The following HEPACAM2 variants were observed in gnomAD, a reference collection of about 807,000 sequenced individuals.
The protein encoded by HEPACAM2 is mitotic kinetics regulator.
Under a neutral mutation model 49.6 loss-of-function variants are expected in HEPACAM2, and 49 were observed. The observed-to-expected ratio is 0.99, with a 90% CI of 0.78 to 1.25. The LOEUF (loss-of-function observed/expected upper bound fraction) is 1.25. Ranked by LOEUF, HEPACAM2 falls within the 50% of genes most tolerant of loss-of-function variation. The probability of loss-of-function intolerance (pLI) is 0.00; values close to 1 mark genes in which losing one functional copy is unlikely to be tolerated. For synonymous variants in HEPACAM2, 197 were observed against 202.9 expected (o/e 0.97, Z 0.25); for missense variants, 525 against 557.2 (o/e 0.94, Z 0.58).
chr7:93,209,605 C>T (rs192444457), intron 3 of HEPACAM2, among the ~76,000 whole-genome samples: 2 of 152,006 alleles, frequency 1.3e-5, no homozygotes, highest in Admixed American at 1.3e-4. Context: ...CCCACCACCC[C>T]ACTCTTCCCC....
At chr7:93,204,413 T>C (rs544036978) in intron 4 of HEPACAM2, among the ~76,000 whole-genome samples, 2 of 152,212 alleles carry the variant, frequency 1.3e-5, no homozygotes, top group East Asian at 1.9e-4. Context: ...CATGTCACAA[T>C]AGCAATTTTG....
chr7:93,209,660 C>T (rs1794128568), intron 3 of HEPACAM2, among the ~76,000 whole-genome samples: 1 of 151,998 alleles, frequency 6.6e-6, no homozygotes, highest in Non-Finnish European at 1.5e-5. Context: ...ATTAGATCAA[C>T]TTTTTAGCTT....
intron 4 of HEPACAM2, among the ~76,000 whole-genome samples, chr7:93,203,699 C>T (rs1793953764): frequency 6.6e-6 from 1 of 152,062 alleles, no homozygotes; most frequent in Admixed American, 6.6e-5. Context: ...GTGTGGTATC[C>T]ATGGTATCGC....
intron 1 of HEPACAM2, among the ~76,000 whole-genome samples, chr7:93,224,106 A>T (rs748249716): frequency 1.3e-5 from 2 of 152,138 alleles, no homozygotes; most frequent in African/African-American, 4.8e-5. Context: ...CATCCTCTGC[A>T]TGAACAGATA....
In HEPACAM2 at chr7:93,215,465, G is replaced by A. The variant is rs776379052; in HGVS notation, c.651C>T (p.Tyr217=). 4 of 1,613,888 alleles carry A rather than the reference G, an allele frequency of 2.5e-6. No individual in the cohort carries two copies. Among genetic ancestry groups the A allele is most frequent in the Non-Finnish European group, 3.4e-6 (4 of 1,179,842 alleles). Residue 217 remains tyrosine, a synonymous_variant, in exon 3 of 10, where the codon TAC becomes TAT. Coordinates refer to ENST00000394468, the MANE Select transcript of HEPACAM2 (RefSeq NM_001039372.4). ...APVTKEDIGN[Y]SCLVRNPVSE... ...TGACAGGGTTCCTCACCAGGCAGCTGTAATTCCCAATGTCTTCCTTGGTTA... is the reference window on the plus strand; with the variant it reads ...TGACAGGGTTCCTCACCAGGCAGCTATAATTCCCAATGTCTTCCTTGGTTA...
intron 9 of HEPACAM2, among the ~76,000 whole-genome samples, chr7:93,191,344 C>T (rs996848281): frequency 1.3e-5 from 2 of 151,910 alleles, no homozygotes; most frequent in South Asian, 2.1e-4. Flanking sequence ...ACGCACAGTC[C>T]CCCCAGCACT....
At position 93,209,412 on chromosome 7, in the gene HEPACAM2, A is replaced by C. The variant is rs114081004; in HGVS notation, c.716-536T>G. Among the ~76,000 whole-genome samples, 1,225 of 152,030 alleles carry C rather than the reference A, an allele frequency of 8.1e-3. 18 individuals carry two copies. The highest frequency in any genetic ancestry group is 0.028 in the African/African-American group (1,154 of 41,508). On this transcript the variant is annotated intron_variant, in intron 3 of 9. Coordinates refer to ENST00000394468, the MANE Select transcript of HEPACAM2 (RefSeq NM_001039372.4). ...GTCTAATTAGTATCTCCATCACCTC[A>C]AACATTTATTATTTCCTTTTGTTGG...
chr7:93,231,371 C>A (rs898046833), upstream of HEPACAM2, among the ~76,000 whole-genome samples: 1 of 152,106 alleles, frequency 6.6e-6, no homozygotes, highest in Non-Finnish European at 1.5e-5. Flanking sequence ...ATCTGATGAC[C>A]GATTAATCCT....
At chr7:93,229,701 C>T (rs989098133), upstream of HEPACAM2, among the ~76,000 whole-genome samples, 2 of 152,184 alleles carry the variant, frequency 1.3e-5, no homozygotes, top group African/African-American at 4.8e-5. Flanking sequence ...TCTAAACTTT[C>T]CATTATTTTG....
chr7:93,220,134 C>T (rs964342749), intron 1 of HEPACAM2, among the ~76,000 whole-genome samples: 1 of 152,094 alleles, frequency 6.6e-6, no homozygotes, highest in Non-Finnish European at 1.5e-5. Flanking sequence ...ACTGGCAGGA[C>T]CTTAGGATCA....
At chr7:93,224,926 A>G (rs1794512673) in intron 1 of HEPACAM2, among the ~76,000 whole-genome samples, 1 of 152,210 alleles carries the variant, frequency 6.6e-6, no homozygotes, top group Admixed American at 6.5e-5. Context: ...AAACTTCAAT[A>G]TTCCTAAAAG....
chr7:93,189,167 G>T lies in HEPACAM2; in HGVS notation c.*100C>A, dbSNP rs1025978164. On this transcript the variant is annotated 3_prime_UTR_variant, in exon 10 of 10. Transcript: ENST00000394468. ...ATAATGAGTAAGAGGTGTTGGTCTT[G>T]GTTTCTTCACTGATTCCAGATTAAT... 1 of 1,030,714 alleles carries T rather than the reference G, an allele frequency of 9.7e-7. No homozygotes were observed. Among genetic ancestry groups the T allele is most frequent in the Non-Finnish European group, 1.5e-6 (1 of 672,638 alleles). 63.8% of individuals were successfully genotyped at this position (1,030,714 alleles called of 1,614,324 possible).
intron 8 of HEPACAM2, among the ~76,000 whole-genome samples, chr7:93,194,499 T>C (rs1486762070): frequency 6.6e-6 from 1 of 152,086 alleles, no homozygotes; most frequent in African/African-American, 2.4e-5. Flanking sequence ...CTGCCTGAGA[T>C]TGAATAGGGT....
At chr7:93,196,166 G>A (rs985197142) in intron 7 of HEPACAM2, among the ~76,000 whole-genome samples, 2 of 152,074 alleles carry the variant, frequency 1.3e-5, no homozygotes, top group African/African-American at 4.8e-5. Context: ...AATACACACA[G>A]GTGGGCAACC....
intron 1 of HEPACAM2, among the ~76,000 whole-genome samples, chr7:93,221,338 T>TC (rs1794444951): frequency 6.6e-6 from 1 of 152,236 alleles, no homozygotes; most frequent in South Asian, 2.1e-4. Flanking sequence ...CTACATTTTT[T>TC]TGATTTCATT....
intron 3 of HEPACAM2, among the ~76,000 whole-genome samples, chr7:93,213,703 GTTCACAA>G (rs1794235252): frequency 6.6e-6 from 1 of 152,050 alleles, no homozygotes; most frequent in African/African-American, 2.4e-5. Flanking sequence ...GGTTTGGGGT[GTTCACAA>G]GAGTCAAGGA....
Position 93,219,280 on chromosome 7 carries a change from A to G in HEPACAM2, c.251T>C (p.Val84Ala). 3.1e-6 allele frequency: 5 copies of G among 1,613,974 alleles called. No homozygotes were observed. The highest frequency in any genetic ancestry group is 4.2e-6 in the Non-Finnish European group (5 of 1,179,946). Residue 84 changes from valine (V) to alanine (A), a missense_variant, in exon 2 of 10, where the codon GTG becomes GCG. Coordinates refer to ENST00000394468, the MANE Select transcript of HEPACAM2 (RefSeq NM_001039372.4). Reference protein sequence around the residue: ...HTMPKYLLGSVNKSVVPDLEY... With the variant: ...HTMPKYLLGSANKSVVPDLEY... ...CAAGTCAGGAACCACAGACTTATTC[A>G]CAGAGCCCAGTAAGTATTTGGGCAT...
chr7:93,212,345 T>A (rs918201760), intron 3 of HEPACAM2, among the ~76,000 whole-genome samples: 6 of 152,056 alleles, frequency 3.9e-5, no homozygotes, highest in African/African-American at 1.4e-4. Flanking sequence ...TTATATGCTA[T>A]ATTTGGCTCT....
chr7:93,202,628 T>C (rs1378690442), intron 4 of HEPACAM2, among the ~76,000 whole-genome samples: 3 of 152,156 alleles, frequency 2.0e-5, no homozygotes, highest in African/African-American at 7.2e-5. Flanking sequence ...AAGAATTCAA[T>C]GCTAATTTAT....
Sources: gnomAD v4.1 joint callset for allele counts (sites outside exome capture counted in the v4.1 genomes callset) on GRCh38, gnomAD v4.1.1 for gene constraint, MANE v1.5 for transcripts, NCBI Gene and HGNC (gene_info 2026-07-23, HGNC 2026-07-21) for gene names.